ABLIM1: variants seen among roughly 807,000 people sequenced by gnomAD.
ABLIM1 encodes actin-binding LIM protein 1.
Under a neutral mutation model 107.0 loss-of-function variants are expected in ABLIM1, and 40 were observed. That is an observed-to-expected ratio of 0.37 (90% CI 0.29 to 0.49). The LOEUF (loss-of-function observed/expected upper bound fraction) is 0.49. Among genes scored for constraint, ABLIM1 ranks in the 20% least tolerant of loss-of-function variants. The probability of loss-of-function intolerance (pLI) is 0.97; values close to 1 mark genes in which losing one functional copy is unlikely to be tolerated. For synonymous variants in ABLIM1, 357 were observed against 357.3 expected (o/e 1.00, Z 0.01); for missense variants, 857 against 1,008.5 (o/e 0.85, Z 2.04).
the ABLIM1 span, among the ~76,000 whole-genome samples, chr10:114,796,019 A>C: frequency 6.6e-6 from 1 of 151,206 alleles, no homozygotes; most frequent in African/African-American, 2.5e-5. Flanking sequence ...CTACAAAAGG[A>C]GGCCAAGATA....
the ABLIM1 span, among the ~76,000 whole-genome samples, chr10:114,780,705 C>T: frequency 5.3e-5 from 8 of 152,294 alleles, no homozygotes; most frequent in Middle Eastern, 3.4e-3. Context: ...TACAAACCAA[C>T]GGCCTCCTAT....
At chr10:114,744,871 CG>C (rs2082351928) in intron 1 of ABLIM1, among the ~76,000 whole-genome samples, 1 of 151,926 alleles carries the variant, frequency 6.6e-6, no homozygotes, top group Admixed American at 6.6e-5. Context: ...CATAAGGACT[CG>C]GGTGTCCAGT....
intron 1 of ABLIM1, among the ~76,000 whole-genome samples, chr10:114,698,004 A>T (rs1255969999): frequency 8.4e-6 from 1 of 118,680 alleles, no homozygotes; most frequent in Admixed American, 8.5e-5. Context: ...ACAGGAGGAA[A>T]CATTAATCCC....
intron 6 of ABLIM1, among the ~76,000 whole-genome samples, chr10:114,504,704 G>T (rs1363853190): frequency 6.6e-6 from 1 of 152,138 alleles, no homozygotes; most frequent in Non-Finnish European, 1.5e-5. Context: ...GATAAAAAGG[G>T]GGAGGTCTGA....
chr10:114,760,284 T>C (rs2082717026), intron 1 of ABLIM1, among the ~76,000 whole-genome samples: 1 of 152,130 alleles, frequency 6.6e-6, no homozygotes, highest in African/African-American at 2.4e-5. Flanking sequence ...AGTTCTGTTT[T>C]GGGGAGGAGG....
At chr10:114,450,222 AAAC>A (rs1292883546) in intron 14 of ABLIM1, 3 of 208,346 alleles carry the variant, frequency 1.4e-5, no homozygotes, top group African/African-American at 4.8e-5. Flanking sequence ...AAAAAAAAAA[AAAC>A]AAAAACAATG....
At chr10:114,684,496 C>T in exon 1 of ABLIM1, 2 of 1,431,600 alleles carry the variant, frequency 1.4e-6, no homozygotes, top group Non-Finnish European at 1.8e-6. Context: ...GAGGGGTGTG[C>T]CACCGGTGGG....
At chr10:114,439,153 G>A (rs184729101) in intron 21 of ABLIM1, 23 bp downstream of exon 21, 2 of 1,613,808 alleles carry the variant, frequency 1.2e-6, no homozygotes, top group East Asian at 4.5e-5. Context: ...CCATATGAGA[G>A]GAAAAAGAAC....
chr10:114,541,125 C>G (rs1194152494), intron 6 of ABLIM1, among the ~76,000 whole-genome samples: 1 of 152,064 alleles, frequency 6.6e-6, no homozygotes, highest in Non-Finnish European at 1.5e-5. Flanking sequence ...TGCCACAAGT[C>G]AAGCAACACA....
At chr10:114,666,802 G>A (rs1490027559) in intron 1 of ABLIM1, among the ~76,000 whole-genome samples, 1 of 152,142 alleles carries the variant, frequency 6.6e-6, no homozygotes, top group African/African-American at 2.4e-5. Flanking sequence ...TTTAAATGGA[G>A]GCAGTAGATT....
chr10:114,580,090 A>G (rs1037354864), intron 2 of ABLIM1, among the ~76,000 whole-genome samples: 1 of 151,864 alleles, frequency 6.6e-6, no homozygotes, highest in African/African-American at 2.4e-5. Context: ...GTCTGGTTTT[A>G]TCATCGTGTT....
At chr10:114,748,915 C>T (rs1391718176) in intron 1 of ABLIM1, among the ~76,000 whole-genome samples, 1 of 152,096 alleles carries the variant, frequency 6.6e-6, no homozygotes, top group Non-Finnish European at 1.5e-5. Flanking sequence ...TCAAGCGATC[C>T]TTCTGCCTTG....
intron 1 of ABLIM1, among the ~76,000 whole-genome samples, chr10:114,645,703 T>G (rs572368968): frequency 6.6e-6 from 1 of 152,308 alleles, no homozygotes; most frequent in Admixed American, 6.5e-5. Flanking sequence ...GGAACTTGTA[T>G]GCACACAGAC....
Position 114,762,895 on chromosome 10 carries a change from A to G in ABLIM1, c.-213+5166T>C, listed in dbSNP as rs141000917. On this transcript the variant is annotated intron_variant, in intron 1 of 15. Coordinates refer to the ABLIM1 transcript ENST00000651092. Reference sequence around the variant, plus strand: ...TAATAGTCCACATGTATGCGCCACAATCTGGTCACTCATTCCCCCAATGGA... The same window carrying G: ...TAATAGTCCACATGTATGCGCCACAGTCTGGTCACTCATTCCCCCAATGGA... Among the ~76,000 whole-genome samples the G allele has an allele frequency of 4.6e-3, 698 of 152,286 alleles. 9 individuals carry two copies. The highest frequency in any genetic ancestry group is 0.016 in the African/African-American group (656 of 41,556).
At chr10:114,759,014 A>G (rs1202463091) in intron 1 of ABLIM1, among the ~76,000 whole-genome samples, 1 of 152,194 alleles carries the variant, frequency 6.6e-6, no homozygotes, top group Non-Finnish European at 1.5e-5. Context: ...GCAAGCCTAT[A>G]AAAATTATCT....
the ABLIM1 span, chr10:114,778,699 A>G: frequency 6.6e-6 from 1 of 151,186 alleles, no homozygotes; most frequent in Non-Finnish European, 1.5e-5. Flanking sequence ...TCCCTTTTTT[A>G]TTTTCATTGC....
chr10:114,553,652 G>C (rs1370508015), intron 4 of ABLIM1, among the ~76,000 whole-genome samples: 3 of 152,198 alleles, frequency 2.0e-5, no homozygotes, highest in African/African-American at 4.8e-5. Context: ...TCTCTGCCTA[G>C]ATGTTTACTA....
chr10:114,689,759 G>A (rs1051609155), upstream of ABLIM1, among the ~76,000 whole-genome samples: 2 of 149,914 alleles, frequency 1.3e-5, no homozygotes, highest in African/African-American at 2.5e-5. Flanking sequence ...AAAAAGATTC[G>A]AGATGAAATT....
chr10:114,680,427 C>G lies in ABLIM1; in HGVS notation c.64+3863G>C, dbSNP rs2080696951. ...ATCATGCTCAAAAGGAGCATGCTTT[C>G]CTTCTACAAGTCCATAGTTATGCAT... is the stretch of plus-strand genomic sequence containing the variant. On this transcript the variant is annotated intron_variant, in intron 1 of 23. Coordinates refer to the ABLIM1 transcript ENST00000369256. Among the ~76,000 whole-genome samples the G allele has an allele frequency of 2.0e-5, 3 of 152,212 alleles. No homozygotes were observed. The South Asian group carries it at 6.2e-4, about 31-fold the overall frequency.
Sources: gnomAD v4.1 joint callset for allele counts (sites outside exome capture counted in the v4.1 genomes callset) on GRCh38, gnomAD v4.1.1 for gene constraint, MANE v1.5 for transcripts, NCBI Gene and HGNC (gene_info 2026-07-23, HGNC 2026-07-21) for gene names.